Variants in CNTNAP5 observed in about 807,000 individuals in gnomAD.
The protein encoded by CNTNAP5 is contactin-associated protein-like 5.
A neutral mutation model predicts 150.2 loss-of-function variants in CNTNAP5; 72 were observed. The ratio of observed to expected loss-of-function variants is 0.48; its 90% CI spans 0.40 to 0.58. The LOEUF is 0.58. CNTNAP5 is among the 20% of genes least tolerant of loss of function. The probability of loss-of-function intolerance (pLI) is 0.00; values close to 1 mark genes in which losing one functional copy is unlikely to be tolerated. For synonymous variants in CNTNAP5, 672 were observed against 619.8 expected, an observed-to-expected ratio of 1.08 and a Z score of -1.25; for missense variants, 1,636 against 1,626.2, an observed-to-expected ratio of 1.01 and a Z score of -0.10.
intron 7 of CNTNAP5, among the ~76,000 whole-genome samples, chr2:124,497,124 C>CT (rs1198046456): frequency 1.3e-5 from 2 of 152,228 alleles, no homozygotes; most frequent in African/African-American, 4.8e-5. Flanking sequence ...TTATTTATAG[C>CT]TTTTTTTATT....
chr2:124,165,964 GC>G (rs1437444045), intron 1 of CNTNAP5, among the ~76,000 whole-genome samples: 1 of 152,138 alleles, frequency 6.6e-6, no homozygotes, highest in African/African-American at 2.4e-5. Context: ...TTCACACCCA[GC>G]CCGCTCATTC....
In CNTNAP5 at chr2:124,481,740, TA is replaced by T. The variant is rs35422445; in HGVS notation, c.1062+6861del. Among the ~76,000 whole-genome samples the T allele has an allele frequency of 5.7e-3, 869 of 152,350 alleles. 31 individuals carry two copies. Among genetic ancestry groups the T allele is most frequent in the Admixed American group, 0.051 (779 of 15,298 alleles). The stretch of plus-strand genomic sequence containing the variant: ...CTATTTACAAATACTATTTCAGCAC[TA>T]AATCAATTTACCATAGTTCATTTAA... On this transcript the variant is annotated intron_variant, in intron 7 of 23. Transcript: ENST00000682447.
Position 124,192,767 on chromosome 2 carries a change from G to A in CNTNAP5, c.83-28938G>A, listed in dbSNP as rs554545023. Among the ~76,000 whole-genome samples, 34 of 152,100 alleles carry A rather than the reference G, an allele frequency of 2.2e-4. No homozygotes were observed. In the South Asian group the frequency reaches 3.3e-3, roughly 15 times the overall value. ...GGAGTCCTACCATGACCACCCTATT[G>A]AATATTAAACCTCATCTCTTGCTTC... On this transcript the variant is annotated intron_variant, in intron 1 of 23. Coordinates refer to ENST00000682447, the MANE Select transcript of CNTNAP5 (RefSeq NM_001367498.1).
At chr2:124,353,070 G>A (rs1689914425) in intron 3 of CNTNAP5, among the ~76,000 whole-genome samples, 1 of 152,092 alleles carries the variant, frequency 6.6e-6, no homozygotes, top group African/African-American at 2.4e-5. Flanking sequence ...ATTGAGCGAG[G>A]TCTCCAGGGA....
rs112135176 is a variant in CNTNAP5 at position 124,863,562 on chromosome 2, T to C, written c.3218-1744T>C. Among the ~76,000 whole-genome samples the C allele has an allele frequency of 4.0e-3, 604 of 152,334 alleles. 4 individuals carry two copies. Among genetic ancestry groups the C allele is most frequent in the African/African-American group, 0.013 (560 of 41,578 alleles). ...TTCTGGCCTCAGAAGTGTTAGGCAA[T>C]GGCCTCATAGCTCCAAACTACATTT... On this transcript the variant is annotated intron_variant, in intron 19 of 23. Transcript: ENST00000682447.
rs566657158 is a variant in CNTNAP5, at chr2:124,068,363, G to A, written c.82+42631G>A. Among the ~76,000 whole-genome samples, 22 of 152,206 alleles carry A rather than the reference G, an allele frequency of 1.4e-4. 1 individual carries two copies. The highest frequency in any genetic ancestry group is 4.1e-4 in the South Asian group (2 of 4,832). On this transcript the variant is annotated intron_variant, in intron 1 of 23. Coordinates refer to ENST00000682447, the MANE Select transcript of CNTNAP5 (RefSeq NM_001367498.1). ...CATAGCAAAGAGCAAAGCCATCTTC[G>A]ACTCAGCCAGCACTCATCCAGGGCC...
intron 12 of CNTNAP5, among the ~76,000 whole-genome samples, chr2:124,620,944 C>T (rs78552518): frequency 0.012 from 1,882 of 152,068 alleles, 33 homozygotes; most frequent in African/African-American, 0.04. Flanking sequence ...CCTTTGCCAG[C>T]GATAGAAATA....
At chr2:124,839,560 A>G (rs890496120) in intron 19 of CNTNAP5, among the ~76,000 whole-genome samples, 2 of 151,002 alleles carry the variant, frequency 1.3e-5, no homozygotes, top group African/African-American at 4.9e-5. Flanking sequence ...ATGATTTTCC[A>G]CCTCCAATCC....
chr2:124,870,192 C>G (rs967013585), intron 21 of CNTNAP5, among the ~76,000 whole-genome samples: 9 of 147,840 alleles, frequency 6.1e-5, no homozygotes, highest in African/African-American at 2.2e-4. Context: ...TCAATTTTCA[C>G]TTTATATATG....
intron 13 of CNTNAP5, among the ~76,000 whole-genome samples, chr2:124,696,196 G>A (rs1481485349): frequency 6.6e-6 from 1 of 152,158 alleles, no homozygotes; most frequent in Middle Eastern, 3.2e-3. Flanking sequence ...GTGAAGAAAT[G>A]TTACTGGAGT....
chr2:124,908,060 T>A lies in CNTNAP5; in HGVS notation c.3656-3407T>A, dbSNP rs114847671. 5.0e-3 allele frequency among the ~76,000 whole-genome samples: 766 copies of A among 151,888 alleles called. 5 individuals are homozygous for A. The highest frequency in any genetic ancestry group is 0.018 in the African/African-American group (729 of 41,442). ...ATAGACTCAATAAGGGAGAAACCAT[T>A]GTAAGTCGGAGTAAGAAAAAAAAGC... On this transcript the variant is annotated intron_variant, in intron 22 of 23. Transcript: ENST00000682447.
intron 19 of CNTNAP5, among the ~76,000 whole-genome samples, chr2:124,834,246 A>T (rs903168187): frequency 1.3e-5 from 2 of 152,182 alleles, no homozygotes; most frequent in Admixed American, 6.6e-5. Flanking sequence ...TTCAAATTTG[A>T]GTGGTTCATT....
chr2:124,347,255 C>T (rs1264956399), intron 3 of CNTNAP5, among the ~76,000 whole-genome samples: 2 of 152,104 alleles, frequency 1.3e-5, no homozygotes, highest in Admixed American at 6.6e-5. Flanking sequence ...CCTCTCATGA[C>T]GGGGCATCTG....
At chr2:124,401,609 C>T (rs555363541) in intron 3 of CNTNAP5, among the ~76,000 whole-genome samples, 24 of 152,300 alleles carry the variant, frequency 1.6e-4, no homozygotes, top group African/African-American at 5.8e-4. Context: ...CCACATGTAC[C>T]TTAAAATAAC....
intron 1 of CNTNAP5, among the ~76,000 whole-genome samples, chr2:124,107,299 A>G (rs1683190583): frequency 6.6e-6 from 1 of 152,094 alleles, no homozygotes; most frequent in South Asian, 2.1e-4. Flanking sequence ...GACCATGAAG[A>G]CCTTCCAGAG....
At chr2:124,354,647 A>G (rs932318662) in intron 3 of CNTNAP5, among the ~76,000 whole-genome samples, 1 of 152,176 alleles carries the variant, frequency 6.6e-6, no homozygotes, top group Admixed American at 6.5e-5. Context: ...AGCAAAAGCT[A>G]TTTGAGCCAG....
chr2:124,160,050 A>G (rs1684638867), intron 1 of CNTNAP5, among the ~76,000 whole-genome samples: 2 of 152,184 alleles, frequency 1.3e-5, no homozygotes, highest in Admixed American at 6.5e-5. Flanking sequence ...CTCTCTTATT[A>G]TACATGCAGG....
At chr2:124,803,442 T>C (rs1322039601) in intron 19 of CNTNAP5, among the ~76,000 whole-genome samples, 4 of 152,238 alleles carry the variant, frequency 2.6e-5, no homozygotes. Context: ...TCCATCATCT[T>C]CTTTGTTGAT....
intron 18 of CNTNAP5, among the ~76,000 whole-genome samples, chr2:124,793,994 T>A (rs766493233): frequency 1.3e-5 from 2 of 152,186 alleles, no homozygotes; most frequent in Non-Finnish European, 2.9e-5. Flanking sequence ...TTCCTTCTAG[T>A]TTTTTATCCC....
Sources: gnomAD v4.1 joint callset for allele counts (sites outside exome capture counted in the v4.1 genomes callset) on GRCh38, gnomAD v4.1.1 for gene constraint, MANE v1.5 for transcripts, NCBI Gene and HGNC (gene_info 2026-07-23, HGNC 2026-07-21) for gene names.